HTR2A: variants seen among roughly 807,000 people sequenced by gnomAD.
HTR2A encodes the protein 5-HT2 receptor.
In HTR2A, 14 loss-of-function variants were observed where a neutral mutation model predicts 31.0. The ratio of observed to expected loss-of-function variants is 0.45; its 90% CI spans 0.30 to 0.71. The LOEUF is 0.71. HTR2A is among the 30% of genes least tolerant of loss of function. The probability of loss-of-function intolerance (pLI) is 0.09; values close to 1 mark genes in which losing one functional copy is unlikely to be tolerated. For missense variants in HTR2A, 442 were observed against 573.3 expected (o/e 0.77, Z 2.34); for synonymous variants, 209 against 225.2 (o/e 0.93, Z 0.64).
At chr13:46,853,620 A>C (rs1299981388) in intron 3 of HTR2A, among the ~76,000 whole-genome samples, 2 of 152,098 alleles carry the variant, frequency 1.3e-5, no homozygotes, top group African/African-American at 4.8e-5. Flanking sequence ...CCTCTCCTGA[A>C]GCCACCCCAC....
chr13:46,897,428 G>C (rs1351626517), upstream of HTR2A, among the ~76,000 whole-genome samples: 1 of 152,194 alleles, frequency 6.6e-6, no homozygotes, highest in Non-Finnish European at 1.5e-5. Flanking sequence ...GGCTAGGCAC[G>C]TCTGTGGTGA....
In HTR2A at chr13:46,892,397, T is replaced by A. The variant is rs1440916536; in HGVS notation, c.606A>T (p.Ile202=). Residue 202 remains isoleucine (I), a synonymous_variant, in exon 3 of 4, where the codon ATA becomes ATT. Transcript: ENST00000542664. Reference sequence around the variant, plus strand: ...AAATATGTTGCCACTTACCTACTGATATGGTCCAAACAGCAATGATTTTCA... The same window carrying A: ...AAATATGTTGCCACTTACCTACTGAAATGGTCCAAACAGCAATGATTTTCA... ...AFLKIIAVWT[I]SVGISMPIPV... The A allele has an allele frequency of 7.4e-6, 12 of 1,613,932 alleles. No individual in the cohort carries two copies. Among genetic ancestry groups the A allele is most frequent in the Non-Finnish European group, 9.3e-6 (11 of 1,179,796 alleles).
Position 46,864,425 on chromosome 13 carries a change from A to G in HTR2A, c.613+27965T>C, listed in dbSNP as rs566394708. ...AAAAGTTCATAAAATCCTTGTAATT[A>G]TAAATTCTTTCTTTGGCTCTTTGAG... On this transcript the variant is annotated intron_variant, in intron 3 of 3. Coordinates refer to ENST00000542664, the MANE Select transcript of HTR2A (RefSeq NM_000621.5). 2.6e-5 allele frequency among the ~76,000 whole-genome samples: 4 copies of G among 152,302 alleles called. No homozygotes were observed. The South Asian group carries it at 8.3e-4, about 32-fold the overall frequency.
intron 3 of HTR2A, among the ~76,000 whole-genome samples, chr13:46,864,020 A>G (rs1022465237): frequency 1.3e-5 from 2 of 152,224 alleles, no homozygotes; most frequent in African/African-American, 4.8e-5. Flanking sequence ...AACAACATAA[A>G]TATCCATCAC....
rs190690858 is a variant in HTR2A, at chr13:46,888,356, C to A, written c.613+4034G>T. On this transcript the variant is annotated intron_variant, in intron 3 of 3. Transcript: ENST00000542664. ...ATAGAGACAAAACATTCTGAAGCAG[C>A]AGGGCGTGGCACAAGGTGATGTTTC... Among the ~76,000 whole-genome samples, 468 of 151,920 alleles carry A rather than the reference C, an allele frequency of 3.1e-3. 3 individuals are homozygous for A. Among genetic ancestry groups the A allele is most frequent in the African/African-American group, 0.011 (444 of 41,428 alleles).
At position 46,834,738 on chromosome 13, in the gene HTR2A, T is replaced by C. The variant is rs1876374379; in HGVS notation, c.*99A>G. 1 of 925,940 alleles carries C rather than the reference T, an allele frequency of 1.1e-6. No homozygotes were observed. Among genetic ancestry groups the C allele is most frequent in the Non-Finnish European group, 1.6e-6 (1 of 613,270 alleles). The allele number at this position is 925,940 out of a possible 1,614,324, so 57.4% of individuals were successfully genotyped here. A position where few individuals can be genotyped will look rare whatever the true frequency, so the allele number is the denominator to read the frequency against. On this transcript the variant is annotated 3_prime_UTR_variant, in exon 4 of 4. Coordinates refer to ENST00000542664, the MANE Select transcript of HTR2A (RefSeq NM_000621.5). Reference sequence around the variant, plus strand: ...ATACAGATATGATCGTTGGTTCCACTAGACTTGTCTAATTTTTTCCAATCT... The same window carrying C: ...ATACAGATATGATCGTTGGTTCCACCAGACTTGTCTAATTTTTTCCAATCT...
chr13:46,892,648 T>G, intron 2 of HTR2A, 58 bp from the exon 3 acceptor site: 1 of 1,364,424 alleles, frequency 7.3e-7, no homozygotes, highest in Non-Finnish European at 1.0e-6. Context: ...AGCACATGTA[T>G]CCCTATCCTA....
At chr13:46,839,008 A>C (rs9526237) in intron 3 of HTR2A, among the ~76,000 whole-genome samples, 13,386 of 144,002 alleles carry the variant, frequency 0.093, 627 homozygotes, top group African/African-American at 0.13. Flanking sequence ...ACACACACAC[A>C]CCCTTACAGA....
chr13:46,845,135 G>A (rs770244101), intron 3 of HTR2A, among the ~76,000 whole-genome samples: 5 of 151,910 alleles, frequency 3.3e-5, no homozygotes, highest in Non-Finnish European at 5.9e-5. Flanking sequence ...GATCTTATAG[G>A]GAAAACAAAA....
intron 3 of HTR2A, among the ~76,000 whole-genome samples, chr13:46,890,781 C>T (rs1376462016): frequency 1.3e-5 from 2 of 151,932 alleles, no homozygotes; most frequent in Non-Finnish European, 2.9e-5. Flanking sequence ...TCATTTGCTC[C>T]CTCTGCATTA....
intron 3 of HTR2A, among the ~76,000 whole-genome samples, chr13:46,845,119 G>C (rs1950631110): frequency 6.6e-6 from 1 of 152,066 alleles, no homozygotes; most frequent in Admixed American, 6.5e-5. Context: ...TAATCATGAT[G>C]TCTAAGATCT....
intron 3 of HTR2A, 93 bp downstream of exon 3, chr13:46,892,296 GA>G (rs1951059619): frequency 1.7e-6 from 2 of 1,151,050 alleles, no homozygotes; most frequent in African/African-American, 3.0e-5. Context: ...GTAGATTGAG[GA>G]TGTCAGGTTT....
intron 3 of HTR2A, among the ~76,000 whole-genome samples, chr13:46,863,576 A>G (rs1225015009): frequency 6.7e-6 from 1 of 149,718 alleles, no homozygotes; most frequent in Non-Finnish European, 1.5e-5. Context: ...TGAGCTATGA[A>G]GTAAGCTGCC....
intron 3 of HTR2A, among the ~76,000 whole-genome samples, chr13:46,882,974 G>T (rs1950977781): frequency 6.6e-6 from 1 of 152,192 alleles, no homozygotes; most frequent in Admixed American, 6.5e-5. Flanking sequence ...GAAGTAACTT[G>T]CCCAAGGTCA....
chr13:46,876,096 T>A (rs1403452703), intron 3 of HTR2A, among the ~76,000 whole-genome samples: 2 of 152,306 alleles, frequency 1.3e-5, no homozygotes, highest in East Asian at 1.9e-4. Context: ...AAGAACATCT[T>A]AGTTCATATA....
intron 3 of HTR2A, among the ~76,000 whole-genome samples, chr13:46,877,612 T>C (rs572752062): frequency 1.1e-4 from 16 of 152,276 alleles, no homozygotes; most frequent in Admixed American, 3.3e-4. Context: ...TTCTATTACA[T>C]AGTTTGTACT....
chr13:46,847,842 C>T (rs1950654803), intron 3 of HTR2A, among the ~76,000 whole-genome samples: 1 of 152,132 alleles, frequency 6.6e-6, no homozygotes, highest in Non-Finnish European at 1.5e-5. Context: ...TGTTATCATG[C>T]AGATAGATTA....
chr13:46,845,738 C>T (rs946938193), intron 3 of HTR2A, among the ~76,000 whole-genome samples: 2 of 151,600 alleles, frequency 1.3e-5, no homozygotes, highest in Non-Finnish European at 2.9e-5. Flanking sequence ...ATATCTGCTT[C>T]TGCTTCAGTC....
At chr13:46,885,239 G>A (rs28439202) in intron 3 of HTR2A, among the ~76,000 whole-genome samples, 8 of 152,180 alleles carry the variant, frequency 5.3e-5, no homozygotes, top group Non-Finnish European at 1.0e-4. Context: ...GTGACTCACA[G>A]GTGGATAGCA....
Sources: gnomAD v4.1 joint callset for allele counts (sites outside exome capture counted in the v4.1 genomes callset) on GRCh38, gnomAD v4.1.1 for gene constraint, MANE v1.5 for transcripts, NCBI Gene and HGNC (gene_info 2026-07-23, HGNC 2026-07-21) for gene names.